DEAF1: variants seen among roughly 807,000 people sequenced by gnomAD.
DEAF1 encodes the protein DEAF1 transcription factor, also known as deformed epidermal autoregulatory factor 1 homolog.
Under a neutral mutation model 58.9 loss-of-function variants are expected in DEAF1, and 53 were observed. The observed-to-expected ratio is 0.90, with a 90% CI of 0.72 to 1.13. DEAF1 has a LOEUF of 1.13. DEAF1 is among the 50% of genes most tolerant of loss of function. DEAF1 has a pLI of 0.00. For synonymous variants in DEAF1, 385 were observed against 340.4 expected, an observed-to-expected ratio of 1.13 and a Z score of -1.44; for missense variants, 685 against 791.4, an observed-to-expected ratio of 0.87 and a Z score of 1.61.
chr11:695,066 TCCCGAAGGCGCCGTCCGGGACCG>T lies in DEAF1; in HGVS notation c.-42_-20del. ...CCTCCATCCGGACTCCGCCGAGCCTTCCCGAAGGCGCCGTCCGGGACCGCCCGAAGCGCCGGTCGCGGAGCCCG... is the reference window on the plus strand; with the variant it reads ...CCTCCATCCGGACTCCGCCGAGCCTTCCCGAAGCGCCGGTCGCGGAGCCCG... On this transcript the variant is annotated 5_prime_UTR_variant, in exon 1 of 12. Transcript: ENST00000382409. The T allele has an allele frequency of 1.4e-6, 2 of 1,436,282 alleles. No homozygotes were observed. The highest frequency in any genetic ancestry group is 1.8e-6 in the Non-Finnish European group (2 of 1,095,434). The allele number at this position is 1,436,282 out of a possible 1,614,324, so 89.0% of individuals were successfully genotyped here.
intron 10 of DEAF1, among the ~76,000 whole-genome samples, chr11:655,878 G>T (rs1199575099): frequency 6.6e-6 from 1 of 151,172 alleles, no homozygotes; most frequent in Non-Finnish European, 1.5e-5. Context: ...TGTCGCCCAG[G>T]CTGGAGTGTA....
At chr11:667,399 G>A (rs546359048) in intron 10 of DEAF1, among the ~76,000 whole-genome samples, 51 of 144,634 alleles carry the variant, frequency 3.5e-4, no homozygotes, top group African/African-American at 1.3e-3. Context: ...AGAGAGGGAG[G>A]GAGGGAGGGA....
At chr11:685,082 CTTTTTTTT>C in intron 5 of DEAF1, 119 bp from the exon 6 acceptor site, 4 of 357,426 alleles carry the variant, frequency 1.1e-5, no homozygotes, top group South Asian at 9.5e-5. Context: ...TATAAAAATT[CTTTTTTTT>C]TTTTTTTTTT....
chr11:670,771 GTTTTTGT>G (rs1389569274), intron 10 of DEAF1, among the ~76,000 whole-genome samples: 29 of 45,290 alleles, frequency 6.4e-4, no homozygotes, highest in Non-Finnish European at 9.7e-4. Flanking sequence ...TTTTCTTTTT[GTTTTTGT>G]TTTTTTTTTT....
At chr11:684,789 C>G (rs1009771106) in intron 6 of DEAF1, 109 bp downstream of exon 6, 27 of 949,708 alleles carry the variant, frequency 2.8e-5, no homozygotes, top group Non-Finnish European at 4.5e-5. Flanking sequence ...TGTCTCTCTC[C>G]AAGGCAGAGG....
At chr11:679,614 T>C in intron 8 of DEAF1, 74 bp downstream of exon 8, 1 of 1,597,778 alleles carries the variant, frequency 6.3e-7, no homozygotes, top group East Asian at 2.2e-5. Context: ...TGCAGCCCAA[T>C]GTGGCGTCGG....
chr11:693,846 A>T (rs181845662), intron 1 of DEAF1, among the ~76,000 whole-genome samples: 2 of 152,376 alleles, frequency 1.3e-5, no homozygotes, highest in African/African-American at 4.8e-5. Flanking sequence ...CTGGAAAGCC[A>T]CAGCAGCCTC....
rs1055494225 is a variant in DEAF1 at position 645,218 on chromosome 11, T to A, written c.1594-564A>T. Among the ~76,000 whole-genome samples the A allele has an allele frequency of 2.6e-5, 4 of 151,086 alleles. No individual in the cohort carries two copies. The South Asian group carries it at 6.3e-4, about 24-fold the overall frequency. ...CCAGGGTAAGACTCTCCAAACCAGT[T>A]GTTTTGTGTTAGGGATGTAAACAAA... On this transcript the variant is annotated intron_variant, in intron 11 of 11. Coordinates refer to ENST00000382409, the MANE Select transcript of DEAF1 (RefSeq NM_021008.4).
At chr11:694,184 G>C (rs1186470487) in intron 1 of DEAF1, among the ~76,000 whole-genome samples, 1 of 151,978 alleles carries the variant, frequency 6.6e-6, no homozygotes, top group Admixed American at 6.5e-5. Context: ...GCTGCACAGG[G>C]GGGACCAGTA....
intron 1 of DEAF1, among the ~76,000 whole-genome samples, chr11:701,442 G>A (rs1362633472): frequency 3.4e-4 from 39 of 115,274 alleles, no homozygotes; most frequent in Non-Finnish European, 4.3e-4. Context: ...ACAGAGTCTC[G>A]CTCTGTCGCC....
At position 700,638 on chromosome 11, in the gene DEAF1, C is replaced by T. The variant is rs370532660; in HGVS notation, c.-438+5934G>A. 46 of 1,613,952 alleles carry T rather than the reference C, an allele frequency of 2.9e-5. No individual in the cohort carries two copies. The highest frequency in any genetic ancestry group is 1.5e-4 in the African/African-American group (11 of 74,892). On this transcript the variant is annotated intron_variant, in intron 1 of 11. Transcript: ENST00000683307. ...AGGTCAGGTGTTCAGCTATCCTCACCGCTACCTGGTCCTCGATCTTGCTCT... is the reference window on the plus strand; with the variant it reads ...AGGTCAGGTGTTCAGCTATCCTCACTGCTACCTGGTCCTCGATCTTGCTCT...
At chr11:653,812 A>G (rs1445705193) in intron 11 of DEAF1, 150 bp downstream of exon 11, 2 of 733,328 alleles carry the variant, frequency 2.7e-6, no homozygotes, top group African/African-American at 1.7e-5. Flanking sequence ...GTCTTCACGG[A>G]GCCAGGCAGG....
At chr11:677,120 CCCACA>C (rs1369535376) in intron 9 of DEAF1, among the ~76,000 whole-genome samples, 2 of 149,598 alleles carry the variant, frequency 1.3e-5, no homozygotes, top group African/African-American at 2.4e-5. Flanking sequence ...CAACACCCAC[CCCACA>C]CTTTTTTTTT....
intron 10 of DEAF1, among the ~76,000 whole-genome samples, chr11:656,526 G>A (rs1353970170): frequency 6.6e-6 from 1 of 152,230 alleles, no homozygotes; most frequent in African/African-American, 2.4e-5. Context: ...GCTTCTGCAG[G>A]CTTTATTAAC....
At position 644,329 on chromosome 11, in the gene DEAF1, TAAA is replaced by T. The variant is rs914129593; in HGVS notation, c.*218_*220del. 3 of 609,292 alleles carry T rather than the reference TAAA, an allele frequency of 4.9e-6. No homozygotes were observed. Among genetic ancestry groups the T allele is most frequent in the African/African-American group, 1.8e-5 (1 of 54,308 alleles). 37.7% of individuals were successfully genotyped at this position (609,292 alleles called of 1,614,324 possible). Reference sequence around the variant, plus strand: ...GACCGGACGCTCATGATCCCAGGGATAAAAAATCTGTCCGCGAGCGGGCAGGGG... The same window carrying T: ...GACCGGACGCTCATGATCCCAGGGATAAATCTGTCCGCGAGCGGGCAGGGG... On this transcript the variant is annotated 3_prime_UTR_variant, in exon 12 of 12. Coordinates refer to ENST00000382409, the MANE Select transcript of DEAF1 (RefSeq NM_021008.4). The surrounding 1 kb of genome is among the most constrained non-coding windows in gnomAD (Gnocchi z 4.3).
At chr11:695,598 C>A, upstream of DEAF1, 1 of 1,243,128 alleles carries the variant, frequency 8.0e-7, no homozygotes, top group Non-Finnish European at 1.0e-6. Context: ...GCCGAATGTC[C>A]CCGAGGCCGA....
In DEAF1 at chr11:694,956, G is replaced by C; in HGVS notation, c.92C>G (p.Ala31Gly). The C allele has an allele frequency of 1.7e-6, 2 of 1,159,220 alleles. No individual in the cohort carries two copies. The highest frequency in any genetic ancestry group is 2.1e-6 in the Non-Finnish European group (2 of 943,024). 71.8% of individuals were successfully genotyped at this position (1,159,220 alleles called of 1,614,324 possible). Residue 31 changes from alanine to glycine, a missense_variant, in exon 1 of 12, where the codon GCC becomes GGC. This residue lies in a region of DEAF1 where 210 missense variants were observed against 177.3 expected (regional missense o/e 1.18). Coordinates refer to ENST00000382409, the MANE Select transcript of DEAF1 (RefSeq NM_021008.4). ...AAAAVAAAAA[A>G]AAGGEAEEPV... ...CTCCTCCGCCTCGCCTCCTGCCGCGGCCGCGGCCGCCGCCGCCACAGCGGC... is the reference window on the plus strand; with the variant it reads ...CTCCTCCGCCTCGCCTCCTGCCGCGCCCGCGGCCGCCGCCGCCACAGCGGC...
chr11:678,548 G>A (rs1860184875), intron 9 of DEAF1, 146 bp downstream of exon 9: 6 of 1,158,446 alleles, frequency 5.2e-6, no homozygotes, highest in Admixed American at 1.7e-5. Context: ...ATAGGCAGTG[G>A]GCCACACTTT....
At position 644,882 on chromosome 11, in the gene DEAF1, G is replaced by T. The variant is rs1858410582; in HGVS notation, c.1594-228C>A. Among the ~76,000 whole-genome samples the T allele has an allele frequency of 6.6e-6, 1 of 152,200 alleles. No homozygotes were observed. On this transcript the variant is annotated intron_variant, in intron 11 of 11. Transcript: ENST00000382409. This position sits in a 1 kb window ranked among gnomAD's most constrained non-coding sequence, Gnocchi z 4.3. ...AATTGGATCAAAAGGCAAACAACAG[G>T]CAGGGCACGGTGGCTCACGCCTGTA...
Sources: allele counts gnomAD v4.1 joint callset (sites outside exome capture counted in the v4.1 genomes callset), GRCh38; gene constraint gnomAD v4.1.1; regional missense constraint gnomAD v4.1.1; non-coding constraint Gnocchi (gnomAD v3.1); transcripts MANE v1.5; gene names NCBI Gene and HGNC (gene_info 2026-07-23, HGNC 2026-07-21).